Variants in MAD1L1 observed in about 807,000 individuals in gnomAD.
MAD1L1 encodes mitotic arrest deficient 1 like 1, also known as mitotic spindle assembly checkpoint protein MAD1.
MAD1L1 carries 95 observed loss-of-function variants against 96.9 expected under a neutral mutation model. The ratio of observed to expected loss-of-function variants is 0.98; its 90% CI spans 0.83 to 1.16. The LOEUF (loss-of-function observed/expected upper bound fraction) is 1.16, where lower values mean the gene tolerates loss of function less well. MAD1L1 is among the 50% of genes most tolerant of loss of function. The pLI is 0.00. For synonymous variants in MAD1L1, 473 were observed against 396.6 expected (o/e 1.19, Z -2.29); for missense variants, 1,007 against 954.4 (o/e 1.06, Z -0.73).
chr7:1,816,609 CGCCTTCCACACT>C (rs1294556144), intron 18 of MAD1L1, among the ~76,000 whole-genome samples: 1 of 152,106 alleles, frequency 6.6e-6, no homozygotes. Context: ...AGTCCTGCAA[CGCCTTCCACACT>C]GCCTGGGCCC....
At chr7:2,225,930 C>T (rs1237176043) in intron 3 of MAD1L1, among the ~76,000 whole-genome samples, 1 of 152,194 alleles carries the variant, frequency 6.6e-6, no homozygotes, top group African/African-American at 2.4e-5. Context: ...CATGTTCTCA[C>T]GTGGAGCTCA....
intron 12 of MAD1L1, among the ~76,000 whole-genome samples, chr7:2,064,138 C>A (rs1477496873): frequency 6.6e-6 from 1 of 152,196 alleles, no homozygotes; most frequent in African/African-American, 2.4e-5. Context: ...GGGGATGCAG[C>A]CCAGCAACCC....
rs1788999887 is a variant in MAD1L1, at chr7:2,141,002, A to C, written c.1073+8150T>G. On this transcript the variant is annotated intron_variant, in intron 11 of 18. Coordinates refer to ENST00000265854, the MANE Select transcript of MAD1L1 (RefSeq NM_001013836.2). Reference sequence around the variant, plus strand: ...ATTCAGGGAAACAGTCTGGGTGTGAAATATTAACGGCAGCTCATCTTGCTG... The same window carrying C: ...ATTCAGGGAAACAGTCTGGGTGTGACATATTAACGGCAGCTCATCTTGCTG... Among the ~76,000 whole-genome samples the C allele has an allele frequency of 1.3e-5, 2 of 152,244 alleles. 1 individual carries two copies. The highest frequency in any genetic ancestry group is 1.3e-4 in the Admixed American group (2 of 15,290).
intron 10 of MAD1L1, among the ~76,000 whole-genome samples, chr7:2,201,675 A>G (rs1387930059): frequency 1.3e-5 from 2 of 152,226 alleles, no homozygotes; most frequent in Non-Finnish European, 2.9e-5. Context: ...ACCAAGTGAT[A>G]GCGTTTCCAC....
intron 11 of MAD1L1, among the ~76,000 whole-genome samples, chr7:2,143,975 A>T (rs964022746): frequency 6.6e-6 from 1 of 152,212 alleles, no homozygotes; most frequent in African/African-American, 2.4e-5. Context: ...TCAAACAGGC[A>T]AAACAGCACC....
intron 12 of MAD1L1, among the ~76,000 whole-genome samples, chr7:2,047,254 G>A (rs1401220324): frequency 1.3e-5 from 2 of 152,170 alleles, no homozygotes; most frequent in African/African-American, 2.4e-5. Context: ...GCTCTGAGCC[G>A]CAGCTGCGTA....
intron 14 of MAD1L1, among the ~76,000 whole-genome samples, chr7:1,993,717 G>C (rs904262140): frequency 6.6e-6 from 1 of 152,180 alleles, no homozygotes; most frequent in Non-Finnish European, 1.5e-5. Flanking sequence ...ACAAGGTAAC[G>C]ACATTAAATC....
chr7:2,162,290 C>G (rs1019504318), intron 10 of MAD1L1, among the ~76,000 whole-genome samples: 3 of 152,116 alleles, frequency 2.0e-5, no homozygotes, highest in Non-Finnish European at 2.9e-5. Context: ...AACCTTACCC[C>G]CAACCCTGTG....
chr7:1,994,522 G>C (rs1781474970), intron 14 of MAD1L1, among the ~76,000 whole-genome samples: 1 of 152,076 alleles, frequency 6.6e-6, no homozygotes, highest in African/African-American at 2.4e-5. Context: ...GGACTGGGCA[G>C]GGCAGTGAGC....
chr7:1,996,067 T>C (rs1020962664), intron 14 of MAD1L1, among the ~76,000 whole-genome samples: 2 of 152,168 alleles, frequency 1.3e-5, no homozygotes, highest in African/African-American at 4.8e-5. Flanking sequence ...CCATCTTCAG[T>C]AGCAGCACCA....
chr7:1,816,881 CCAGCCCCACCCCGGTCAGCACCCACA>C (rs1478369294), intron 18 of MAD1L1: 5 of 151,952 alleles, frequency 3.3e-5, no homozygotes, highest in African/African-American at 4.8e-5. Context: ...CCCCCGAGAG[CCAGCCCCACCCCGGTCAGCACCCACA>C]CAGCCCCAGG....
chr7:2,148,112 G>A (rs1163236870), intron 11 of MAD1L1, among the ~76,000 whole-genome samples: 1 of 152,258 alleles, frequency 6.6e-6, no homozygotes, highest in East Asian at 1.9e-4. Flanking sequence ...GTAAATTGAT[G>A]TGATTATGTC....
intron 18 of MAD1L1, among the ~76,000 whole-genome samples, chr7:1,893,916 A>G (rs1786708882): frequency 6.6e-6 from 1 of 152,230 alleles, no homozygotes; most frequent in Admixed American, 6.5e-5. Flanking sequence ...CTGCAGGCAG[A>G]GGTGCCAACA....
chr7:2,228,495 CA>C (rs1794024149), intron 3 of MAD1L1, among the ~76,000 whole-genome samples: 1 of 152,118 alleles, frequency 6.6e-6, no homozygotes, highest in Non-Finnish European at 1.5e-5. Flanking sequence ...TCAAGTGATC[CA>C]GCCACCTCAG....
intron 18 of MAD1L1, among the ~76,000 whole-genome samples, chr7:1,836,977 C>A (rs1782967363): frequency 6.6e-6 from 1 of 152,038 alleles, no homozygotes; most frequent in Admixed American, 6.6e-5. Context: ...TAGACTTAAT[C>A]AAAATTAGAA....
At chr7:2,192,484 A>ACCG (rs1791776688) in intron 10 of MAD1L1, among the ~76,000 whole-genome samples, 2 of 152,164 alleles carry the variant, frequency 1.3e-5, no homozygotes, top group African/African-American at 4.8e-5. Flanking sequence ...ATGATCGTGC[A>ACCG]TGCTCCTCTT....
intron 12 of MAD1L1, among the ~76,000 whole-genome samples, chr7:2,040,471 G>A (rs144482253): frequency 1.3e-5 from 2 of 152,212 alleles, no homozygotes; most frequent in African/African-American, 4.8e-5. Context: ...TGTTCAGAAT[G>A]GGCAGATGGG....
intron 15 of MAD1L1, among the ~76,000 whole-genome samples, chr7:1,961,143 G>A (rs1175445037): frequency 6.6e-6 from 1 of 152,186 alleles, no homozygotes; most frequent in Non-Finnish European, 1.5e-5. Context: ...TTGTCCACAG[G>A]CTGGGAGACT....
chr7:1,828,874 G>C (rs1035462170), intron 18 of MAD1L1, among the ~76,000 whole-genome samples: 4 of 152,112 alleles, frequency 2.6e-5, no homozygotes, highest in African/African-American at 9.7e-5. Context: ...ATTGAGGATA[G>C]ACATAAAAGG....
Sources: allele counts gnomAD v4.1 joint callset (sites outside exome capture counted in the v4.1 genomes callset), GRCh38; gene constraint gnomAD v4.1.1; transcripts MANE v1.5; gene names NCBI Gene and HGNC (gene_info 2026-07-23, HGNC 2026-07-21).